Variants in SYNM observed in about 807,000 individuals in gnomAD.
The protein encoded by SYNM is synemin, also known as desmuslin.
A neutral mutation model predicts 104.0 loss-of-function variants in SYNM; 95 were observed. The ratio of observed to expected loss-of-function variants is 0.91; its 90% CI spans 0.77 to 1.08. The LOEUF (loss-of-function observed/expected upper bound fraction) is 1.08, where lower values mean the gene tolerates loss of function less well. Ranked by LOEUF, SYNM falls within the 50% of genes least tolerant of loss-of-function variation. The pLI is 0.00. For missense variants in SYNM, 2,150 were observed against 2,052.2 expected (o/e 1.05, Z -0.92); for synonymous variants, 918 against 869.0 (o/e 1.06, Z -0.99).
chr15:99,126,895 G>C, intron 3 of SYNM, 103 bp downstream of exon 3: 1 of 1,023,070 alleles, frequency 9.8e-7, no homozygotes, highest in Non-Finnish European at 1.4e-6. Flanking sequence ...GTTAGATATG[G>C]TGTTTAGATA....
chr15:99,121,606 A>C (rs2151804579), intron 2 of SYNM, among the ~76,000 whole-genome samples: 1 of 152,270 alleles, frequency 6.6e-6, no homozygotes, highest in East Asian at 1.9e-4. Context: ...AGCGCCCCAA[A>C]CCCTCTCACT....
downstream of SYNM, chr15:99,138,175 C>A (rs115566375): frequency 1.1e-3 from 1,759 of 1,601,950 alleles, 17 homozygotes; most frequent in African/African-American, 0.021. Context: ...CTCAGCCCCC[C>A]ACACCGTTCC....
chr15:99,130,595 C>A lies in SYNM; in HGVS notation c.2235C>A (p.Asn745Lys). Reference sequence around the variant, plus strand: ...GGGAGGGGAGAGCAAAGGTCGTCAACGTGGAGATCGTGGAGGAGCCCGTGA... The same window carrying A: ...GGGAGGGGAGAGCAAAGGTCGTCAAAGTGGAGATCGTGGAGGAGCCCGTGA... ...KGREGRAKVVNVEIVEEPVSY... is the reference protein window; with the variant it reads ...KGREGRAKVVKVEIVEEPVSY... The change falls in exon 4 of 4, where the codon AAC (asparagine) becomes AAA (lysine). Residue 745 changes from asparagine to lysine, a missense_variant. Coordinates refer to ENST00000336292, the MANE Select transcript of SYNM (RefSeq NM_145728.3). 1 of 1,613,532 alleles carries A rather than the reference C, an allele frequency of 6.2e-7. No homozygotes were observed.
At position 99,132,773 on chromosome 15, in the gene SYNM, G is replaced by A. The variant is rs782708205; in HGVS notation, c.4413G>A (p.Ala1471=). 1.9e-6 allele frequency: 3 copies of A among 1,613,806 alleles called. No individual in the cohort carries two copies. The highest frequency in any genetic ancestry group is 1.6e-4 in the Middle Eastern group (1 of 6,084). ...AGATGGATGTGAGTAACGTAGAGGC[G>A]ATCCGCAGCCGGACACAGGAAGCGG... ...TFQMDVSNVE[A]IRSRTQEAGA... is the part of the protein sequence containing the mutation. Residue 1471 remains alanine, a synonymous_variant, in exon 4 of 4, where the codon GCG becomes GCA. Coordinates refer to ENST00000336292, the MANE Select transcript of SYNM (RefSeq NM_145728.3).
Position 99,133,170 on chromosome 15 carries a change from CTT to C in SYNM, c.*117_*118del. On this transcript the variant is annotated 3_prime_UTR_variant, in exon 4 of 4. Coordinates refer to ENST00000336292, the MANE Select transcript of SYNM (RefSeq NM_145728.3). The stretch of plus-strand genomic sequence containing the variant: ...GTCTATGAAAATCTCCCCTTTTTTA[CTT>C]TTTTAAAGAGTACTCCCGGCATGGT... 6.6e-7 allele frequency: 1 copy of C among 1,505,948 alleles called. No individual in the cohort carries two copies. The highest frequency in any genetic ancestry group is 8.8e-7 in the Non-Finnish European group (1 of 1,135,744). 93.3% of individuals were successfully genotyped at this position (1,505,948 alleles called of 1,614,324 possible). A position where few individuals can be genotyped will look rare whatever the true frequency, so the allele number is the denominator to read the frequency against.
At chr15:99,123,584 G>C (rs914403160) in intron 2 of SYNM, among the ~76,000 whole-genome samples, 1 of 152,252 alleles carries the variant, frequency 6.6e-6, no homozygotes, top group Non-Finnish European at 1.5e-5. Context: ...CGTCCACTCT[G>C]TGTGGAGCTT....
At chr15:99,120,735 G>C (rs1356148484) in intron 2 of SYNM, among the ~76,000 whole-genome samples, 3 of 152,210 alleles carry the variant, frequency 2.0e-5, no homozygotes, top group African/African-American at 7.2e-5. Context: ...TGGTGATGGG[G>C]AGGGAGTTGT....
rs782418313 is a variant in SYNM at position 99,126,747 on chromosome 15, C to A, written c.961C>A (p.Pro321Thr). Residue 321 changes from proline to threonine, a missense_variant, in exon 3 of 4, where the codon CCA (proline) becomes ACA (threonine). Transcript: ENST00000336292. ...YRALLEGESN[P>T]EIVIWAEHVE... The stretch of plus-strand genomic sequence containing the variant: ...GGCCTTATTGGAAGGAGAAAGTAAT[C>A]CAGAGATAGTGATCTGGGCTGAGCA... 2.5e-6 allele frequency: 4 copies of A among 1,581,412 alleles called. No individual in the cohort carries two copies. Among genetic ancestry groups the A allele is most frequent in the Admixed American group, 1.8e-5 (1 of 55,328 alleles).
intron 2 of SYNM, among the ~76,000 whole-genome samples, chr15:99,118,256 A>T (rs1247032222): frequency 6.6e-6 from 1 of 152,270 alleles, no homozygotes; most frequent in Non-Finnish European, 1.5e-5. Context: ...AACCCTCGTC[A>T]TCCTCGATGT....
intron 2 of SYNM, among the ~76,000 whole-genome samples, chr15:99,122,194 T>C (rs1306949451): frequency 6.6e-6 from 1 of 152,218 alleles, no homozygotes; most frequent in Non-Finnish European, 1.5e-5. Context: ...CTGTTTCTTC[T>C]TTCTGATCCC....
At chr15:99,114,973 A>G (rs2067333806) in intron 2 of SYNM, among the ~76,000 whole-genome samples, 1 of 152,176 alleles carries the variant, frequency 6.6e-6, no homozygotes, top group South Asian at 2.1e-4. Context: ...ACTGCCTGCC[A>G]GACGTGGTGC....
rs117358220 is a variant in SYNM, at chr15:99,111,003, C to T, written c.811-2588C>T. 2.2e-3 allele frequency among the ~76,000 whole-genome samples: 338 copies of T among 152,334 alleles called. 1 individual carries two copies. The highest frequency in any genetic ancestry group is 3.8e-3 in the Non-Finnish European group (260 of 68,040). ...TAAGTCTTATATTCCTGCTTCCAAA[C>T]GTCAACTAATTTTCCTTTGACAATT... On this transcript the variant is annotated intron_variant, in intron 1 of 3. Transcript: ENST00000336292.
intron 2 of SYNM, among the ~76,000 whole-genome samples, chr15:99,122,943 G>A (rs1555484662): frequency 3.3e-5 from 5 of 152,182 alleles, no homozygotes; most frequent in Non-Finnish European, 7.3e-5. Flanking sequence ...AAATACAGAT[G>A]GTCCACAGTC....
chr15:99,123,937 G>T (rs1044555535), intron 2 of SYNM, among the ~76,000 whole-genome samples: 3 of 152,280 alleles, frequency 2.0e-5, no homozygotes, highest in African/African-American at 4.8e-5. Flanking sequence ...GCCCATTAGG[G>T]CCTGGCGCCT....
chr15:99,105,962 C>G lies in SYNM; in HGVS notation c.763C>G (p.Leu255Val). Residue 255 changes from leucine (L) to valine (V), a missense_variant, in exon 1 of 4, where the codon CTG (leucine) becomes GTG (valine). Physicochemically the swap from Leu to Val is conservative, Grantham distance 32 (BLOSUM62 1). Coordinates refer to ENST00000336292, the MANE Select transcript of SYNM (RefSeq NM_145728.3). ...GCTGCGCGCGCGGCTGGAGGACGCG[C>G]TGCTGCGGATGCGCGAGGAGTACGG... The part of the protein sequence containing the change: ...EQLRARLEDA[L>V]LRMREEYGIQ... 4.6e-6 allele frequency: 7 copies of G among 1,516,978 alleles called. 1 individual carries two copies. The South Asian group carries it at 6.2e-5, about 13-fold the overall frequency. The allele number at this position is 1,516,978 out of a possible 1,614,324, so 94.0% of individuals were successfully genotyped here.
Position 99,105,302 on chromosome 15 carries a change from G to C in SYNM, c.103G>C (p.Glu35Gln). The C allele has an allele frequency of 6.5e-7, 1 of 1,548,864 alleles. No homozygotes were observed. Among genetic ancestry groups the C allele is most frequent in the Non-Finnish European group, 8.7e-7 (1 of 1,147,802 alleles). The change falls in exon 1 of 4, where the codon GAA becomes CAA. Residue 35 changes from glutamate (E) to glutamine (Q), a missense_variant. Physicochemically the swap from Glu to Gln is conservative, Grantham distance 29. Transcript: ENST00000336292. ...GTGTCGGGTGCGGGAGCTGGAGCGC[G>C]AAAACCTACTCCTGGAGGAGGAGCT... ...YVCRVRELER[E>Q]NLLLEEELRG... is the part of the protein sequence containing the mutation.
intron 2 of SYNM, among the ~76,000 whole-genome samples, chr15:99,116,487 G>C (rs1555483979): frequency 9.2e-6 from 1 of 108,958 alleles, no homozygotes; most frequent in Non-Finnish European, 2.1e-5. Context: ...ACTGAGACTG[G>C]ATAATTTGCA....
At chr15:99,117,800 GC>G (rs1250149195) in intron 2 of SYNM, among the ~76,000 whole-genome samples, 2 of 146,128 alleles carry the variant, frequency 1.4e-5, no homozygotes, top group Non-Finnish European at 3.0e-5. Flanking sequence ...CAAGCCACGG[GC>G]CCAGCTTTTC....
rs777397513 is a variant in SYNM at position 99,134,248 on chromosome 15, C to T, written c.*1190C>T. Reference sequence around the variant, plus strand: ...TTTGGGGAAGGAACTGGATATCTCTCCTGCAGCCCAGCACCGAGATACCCA... The same window carrying T: ...TTTGGGGAAGGAACTGGATATCTCTTCTGCAGCCCAGCACCGAGATACCCA... On this transcript the variant is annotated 3_prime_UTR_variant, in exon 4 of 4. Transcript: ENST00000336292. 52 of 151,900 alleles carry T rather than the reference C, an allele frequency of 3.4e-4. No homozygotes were observed. Among genetic ancestry groups the T allele is most frequent in the Admixed American group, 3.3e-3 (50 of 15,244 alleles). The allele number at this position is 151,900 out of a possible 1,614,324, so 9.4% of individuals were successfully genotyped here.
Sources: gnomAD v4.1 joint callset for allele counts (sites outside exome capture counted in the v4.1 genomes callset) on GRCh38, gnomAD v4.1.1 for gene constraint, MANE v1.5 for transcripts, NCBI Gene and HGNC (gene_info 2026-07-23, HGNC 2026-07-21) for gene names.